Variants in NEK2 observed in about 807,000 individuals in gnomAD.
The protein encoded by NEK2 is NIMA related kinase 2, also known as serine/threonine-protein kinase Nek2.
A neutral mutation model predicts 54.1 loss-of-function variants in NEK2; 28 were observed. The ratio of observed to expected loss-of-function variants is 0.52; its 90% CI spans 0.38 to 0.71. The LOEUF (loss-of-function observed/expected upper bound fraction) is 0.71, where lower values mean the gene tolerates loss of function less well. Among genes scored for constraint, NEK2 ranks in the 30% least tolerant of loss-of-function variants. The probability of loss-of-function intolerance (pLI) is 0.00; values close to 1 mark genes in which losing one functional copy is unlikely to be tolerated. For missense variants in NEK2, 407 were observed against 531.5 expected, an observed-to-expected ratio of 0.77 and a Z score of 2.30; for synonymous variants, 176 against 193.1, an observed-to-expected ratio of 0.91 and a Z score of 0.73.
chr1:211,668,968 A>G, intron 6 of NEK2, 145 bp downstream of exon 6: 1 of 759,682 alleles, frequency 1.3e-6, no homozygotes, highest in South Asian at 1.7e-5. Flanking sequence ...AAAGTCTAAA[A>G]TACATATTTT....
intron 5 of NEK2, chr1:211,669,638 C>A: frequency 2.8e-6 from 1 of 359,588 alleles, no homozygotes; most frequent in Non-Finnish European, 5.1e-6. Context: ...TTGCTAGGGT[C>A]TGTTTTAGGG....
At chr1:211,668,344 T>A (rs1655243545) in intron 6 of NEK2, among the ~76,000 whole-genome samples, 1 of 152,160 alleles carries the variant, frequency 6.6e-6, no homozygotes. Flanking sequence ...TGCTTGCGAG[T>A]AGCTCTCATC....
intron 7 of NEK2, among the ~76,000 whole-genome samples, chr1:211,664,100 T>C (rs1655101257): frequency 1.3e-5 from 2 of 151,712 alleles, no homozygotes; most frequent in Admixed American, 6.6e-5. Flanking sequence ...CACCTACAGT[T>C]TTGGTTAAAT....
In NEK2 at chr1:211,664,167, A is replaced by G. The variant is rs141520314; in HGVS notation, c.1112-515T>C. On this transcript the variant is annotated intron_variant, in intron 7 of 7. Transcript: ENST00000366999. ...TGGACGAGAAATCTGTTTCCAAAAA[A>G]TCTAAACAAATTCAGTGTGGAAAAG... is the stretch of plus-strand genomic sequence containing the variant. Among the ~76,000 whole-genome samples the G allele has an allele frequency of 3.8e-3, 582 of 152,094 alleles. 3 individuals are homozygous for G. Among genetic ancestry groups the G allele is most frequent in the African/African-American group, 0.013 (541 of 41,486 alleles).
intron 7 of NEK2, among the ~76,000 whole-genome samples, chr1:211,665,825 T>TA (rs1655161691): frequency 6.6e-6 from 1 of 152,208 alleles, no homozygotes; most frequent in African/African-American, 2.4e-5. Flanking sequence ...CAATCTAACT[T>TA]AAGTAGGGTT....
chr1:211,660,515 G>A (rs977584554), downstream of NEK2: 2 of 649,606 alleles, frequency 3.1e-6, no homozygotes, highest in African/African-American at 3.6e-5. Context: ...TCCCCAAAGA[G>A]GTCAAAGTGA....
chr1:211,659,236 G>C (rs893354364), downstream of NEK2, among the ~76,000 whole-genome samples: 7 of 148,848 alleles, frequency 4.7e-5, no homozygotes, highest in Admixed American at 4.0e-4. Context: ...AAAAAAAAAA[G>C]ATAATTTGAC....
rs1391282322 is a variant in NEK2 at position 211,674,377 on chromosome 1, G to A, written c.233C>T (p.Thr78Ile). 9 of 1,613,920 alleles carry A rather than the reference G, an allele frequency of 5.6e-6. 1 individual carries two copies. In the South Asian group the frequency reaches 7.7e-5, roughly 14 times the overall value. The change falls in exon 2 of 8, where the codon ACC becomes ATC. Residue 78 changes from threonine to isoleucine, a missense_variant. Coordinates refer to ENST00000366999, the MANE Select transcript of NEK2 (RefSeq NM_002497.4). The part of the protein sequence containing the change: ...VRYYDRIIDR[T>I]NTTLYIVMEY... ...CATTACAATGTACAGTGTTGTATTG[G>A]TCCGGTCAATAATCCGATCATAGTA...
At chr1:211,667,007 G>A in intron 7 of NEK2, 99 bp downstream of exon 7, 1 of 1,546,340 alleles carries the variant, frequency 6.5e-7, no homozygotes, top group East Asian at 2.3e-5. Flanking sequence ...TTTGAGATTT[G>A]TAAATGAAAA....
At chr1:211,668,030 G>A (rs1223076384) in intron 6 of NEK2, among the ~76,000 whole-genome samples, 1 of 151,072 alleles carries the variant, frequency 6.6e-6, no homozygotes, top group East Asian at 1.9e-4. Flanking sequence ...TGGGCAACAA[G>A]AGTGAAATTC....
downstream of NEK2, chr1:211,660,719 G>A (rs1346238827): frequency 1.2e-5 from 8 of 676,954 alleles, no homozygotes; most frequent in Non-Finnish European, 1.4e-5. Context: ...TGCCCTGGGG[G>A]TGCTGTGATG....
At chr1:211,669,579 A>C (rs557415736) in intron 5 of NEK2, 1 of 476,942 alleles carries the variant, frequency 2.1e-6, no homozygotes, top group South Asian at 2.3e-5. Flanking sequence ...CTTTCTAAGA[A>C]GGTTCAATCC....
In NEK2 at chr1:211,673,666, C is replaced by T; in HGVS notation, c.372G>A (p.Leu124=). 6.2e-7 allele frequency: 1 copy of T among 1,614,168 alleles called. No homozygotes were observed. Among genetic ancestry groups the T allele is most frequent in the Non-Finnish European group, 8.5e-7 (1 of 1,180,030 alleles). The change falls in exon 3 of 8, where the codon CTG becomes CTA. Residue 124 remains leucine (L), a synonymous_variant. Transcript: ENST00000366999. ...LRVMTQLTLA[L]KECHRRSDGG... is the part of the protein sequence containing the mutation. ...CATCACTTCGTCTGTGGCATTCCTTCAGGGCCAGAGTCAACTGAGTCATCA... is the reference window on the plus strand; with the variant it reads ...CATCACTTCGTCTGTGGCATTCCTTTAGGGCCAGAGTCAACTGAGTCATCA...
downstream of NEK2, among the ~76,000 whole-genome samples, chr1:211,658,893 A>C (rs190330410): frequency 4.5e-3 from 680 of 152,286 alleles, 3 homozygotes; most frequent in Non-Finnish European, 6.4e-3. Flanking sequence ...TCTATCAAAA[A>C]CAGGATGGGT....
rs1302716469 is a variant in NEK2, at chr1:211,671,239, A to C, written c.601T>G (p.Ser201Ala). The C allele has an allele frequency of 6.2e-7, 1 of 1,613,594 alleles. No individual in the cohort carries two copies. The highest frequency in any genetic ancestry group is 2.2e-5 in the East Asian group (1 of 44,864). Reference protein sequence around the residue: ...MSYNEKSDIWSLGCLLYELCA... With the variant: ...MSYNEKSDIWALGCLLYELCA... ...AACTCATACAGCAAGCAGCCCAATG[A>C]CCAGATATCTGATTTCTCATTGTAG... The change falls in exon 4 of 8, where the codon TCA becomes GCA. Residue 201 changes from serine (S) to alanine (A), a missense_variant. Ser to Ala is a moderately conservative substitution (Grantham distance 99, BLOSUM62 1). Transcript: ENST00000366999.
At chr1:211,674,566 G>T in intron 1 of NEK2, 53 bp from the exon 2 acceptor site, 2 of 1,342,626 alleles carry the variant, frequency 1.5e-6, no homozygotes, top group Non-Finnish European at 2.0e-6. Flanking sequence ...CAAAAACAAA[G>T]AATGAAAGTT....
intron 3 of NEK2, among the ~76,000 whole-genome samples, chr1:211,672,739 C>T (rs1381882046): frequency 6.6e-6 from 1 of 151,980 alleles, no homozygotes; most frequent in African/African-American, 2.4e-5. Context: ...GAGTCTGATG[C>T]AGATAACTAG....
chr1:211,674,767 A>C (rs1217206410), intron 1 of NEK2, among the ~76,000 whole-genome samples: 1 of 152,146 alleles, frequency 6.6e-6, no homozygotes, highest in Non-Finnish European at 1.5e-5. Context: ...CCCTACCCTC[A>C]GTTGGTTAGT....
chr1:211,667,651 C>A (rs1655222281), intron 6 of NEK2, among the ~76,000 whole-genome samples: 1 of 152,070 alleles, frequency 6.6e-6, no homozygotes, highest in African/African-American at 2.4e-5. Context: ...AGAAAAAAAA[C>A]ACAATTCAGT....
Sources: gnomAD v4.1 joint callset for allele counts (sites outside exome capture counted in the v4.1 genomes callset) on GRCh38, gnomAD v4.1.1 for gene constraint, MANE v1.5 for transcripts, NCBI Gene and HGNC (gene_info 2026-07-23, HGNC 2026-07-21) for gene names.